The following GAS7 variants were observed in gnomAD, a reference collection of about 807,000 sequenced individuals.
GAS7 encodes growth arrest-specific protein 7.
In GAS7, 28 loss-of-function variants were observed where a neutral mutation model predicts 71.1. That is an observed-to-expected ratio of 0.39 (90% CI 0.29 to 0.54). The LOEUF is 0.54. Ranked by LOEUF, GAS7 falls within the 20% of genes least tolerant of loss-of-function variation. GAS7 has a pLI of 0.62. For synonymous variants in GAS7, 258 were observed against 245.8 expected (o/e 1.05, Z -0.46); for missense variants, 436 against 627.8 (o/e 0.69, Z 3.27).
chr17:10,029,321 T>C (rs867770280), intron 1 of GAS7, among the ~76,000 whole-genome samples: 4 of 152,158 alleles, frequency 2.6e-5, no homozygotes, highest in Non-Finnish European at 5.9e-5. Flanking sequence ...CAAGTACTCA[T>C]GTCCTCCTTA....
intron 1 of GAS7, among the ~76,000 whole-genome samples, chr17:10,041,174 A>AGAAGAAGAAG (rs1482702186): frequency 6.6e-6 from 1 of 151,044 alleles, no homozygotes; most frequent in African/African-American, 2.5e-5. Flanking sequence ...AAAAAAAAAA[A>AGAAGAAGAAG]AAGAAGAAGG....
intron 3 of GAS7, among the ~76,000 whole-genome samples, chr17:9,980,805 A>T (rs558827896): frequency 3.3e-5 from 5 of 152,326 alleles, no homozygotes; most frequent in African/African-American, 9.6e-5. Context: ...TGCGGCTGAG[A>T]TCTAAAGTGA....
intron 1 of GAS7, among the ~76,000 whole-genome samples, chr17:10,099,876 T>C (rs2073681936): frequency 6.6e-6 from 1 of 152,190 alleles, no homozygotes; most frequent in Admixed American, 6.5e-5. Flanking sequence ...GACTTAAGAC[T>C]GTGTCAATCT....
intron 1 of GAS7, among the ~76,000 whole-genome samples, chr17:10,172,415 G>A (rs918450135): frequency 4.6e-5 from 7 of 152,124 alleles, no homozygotes; most frequent in African/African-American, 1.7e-4. Flanking sequence ...ACTCTGTATT[G>A]CTCTCAACTT....
chr17:9,968,695 T>C (rs1488567101), intron 4 of GAS7, among the ~76,000 whole-genome samples: 1 of 152,232 alleles, frequency 6.6e-6, no homozygotes, highest in Non-Finnish European at 1.5e-5. Context: ...GACAGAACCA[T>C]AATCAATCCT....
chr17:9,979,921 CCTG>C (rs1166747458), intron 3 of GAS7, among the ~76,000 whole-genome samples: 1 of 151,820 alleles, frequency 6.6e-6, no homozygotes, highest in Non-Finnish European at 1.5e-5. Flanking sequence ...CTCAGAACTG[CCTG>C]CTGTCACACG....
intron 9 of GAS7, among the ~76,000 whole-genome samples, chr17:9,927,789 A>G (rs2152075804): frequency 6.6e-6 from 1 of 152,336 alleles, no homozygotes; most frequent in Non-Finnish European, 1.5e-5. Flanking sequence ...GGTGAGCTAG[A>G]CAGGGTCCAA....
At chr17:10,095,596 C>T (rs374700156) in intron 1 of GAS7, among the ~76,000 whole-genome samples, 323 of 152,016 alleles carry the variant, frequency 2.1e-3, no homozygotes, top group Admixed American at 5.4e-3. Flanking sequence ...CTGAGGCGGG[C>T]GGATCACAAG....
At chr17:10,020,793 G>C (rs2072236644) in intron 1 of GAS7, among the ~76,000 whole-genome samples, 1 of 152,060 alleles carries the variant, frequency 6.6e-6, no homozygotes, top group Admixed American at 6.5e-5. Context: ...TGCGCCTGTA[G>C]TCCTAGCTAC....
intron 1 of GAS7, among the ~76,000 whole-genome samples, chr17:10,096,529 C>A (rs2073642646): frequency 6.6e-6 from 1 of 152,238 alleles, no homozygotes; most frequent in South Asian, 2.1e-4. Flanking sequence ...TGGCCTTCTT[C>A]CAAGGATGGC....
chr17:10,140,879 G>A (rs1262667201), intron 1 of GAS7, among the ~76,000 whole-genome samples: 1 of 152,218 alleles, frequency 6.6e-6, no homozygotes, highest in Admixed American at 6.5e-5. Context: ...GCACAACACT[G>A]CAGATACAAA....
intron 1 of GAS7, chr17:10,039,834 C>T (rs555605261): frequency 2.3e-6 from 1 of 442,530 alleles, no homozygotes; most frequent in East Asian, 7.1e-5. Flanking sequence ...AGGGGTGTGG[C>T]ACCCTCTGGG....
In GAS7 at chr17:9,916,071, G is replaced by A. The variant is rs147028508; in HGVS notation, c.*1157C>T. 7.7e-4 allele frequency: 180 copies of A among 233,208 alleles called. No individual in the cohort carries two copies. The highest frequency in any genetic ancestry group is 3.5e-3 in the African/African-American group (158 of 45,454). The allele number at this position is 233,208 out of a possible 1,614,324, so 14.4% of individuals were successfully genotyped here. On this transcript the variant is annotated 3_prime_UTR_variant, in exon 14 of 14. Transcript: ENST00000432992. Reference sequence around the variant, plus strand: ...GGTGGCGGGACACTGCCTGAAAGGCGACAACCTAGTGTGGCCACAAGAGAG... The same window carrying A: ...GGTGGCGGGACACTGCCTGAAAGGCAACAACCTAGTGTGGCCACAAGAGAG...
intron 2 of GAS7, among the ~76,000 whole-genome samples, chr17:10,016,150 C>T (rs1168325908): frequency 4.6e-5 from 7 of 151,980 alleles, no homozygotes; most frequent in Admixed American, 4.6e-4. Context: ...CTTTGGGAGG[C>T]CGAGGCAGGC....
At chr17:10,001,922 G>A (rs2152166340) in intron 2 of GAS7, among the ~76,000 whole-genome samples, 1 of 152,178 alleles carries the variant, frequency 6.6e-6, no homozygotes, top group Middle Eastern at 3.4e-3. Context: ...GCAAGGCAAT[G>A]GGAAAACAAG....
chr17:10,107,034 G>A (rs532952236), intron 1 of GAS7, among the ~76,000 whole-genome samples: 5 of 152,134 alleles, frequency 3.3e-5, no homozygotes, highest in Admixed American at 2.0e-4. Flanking sequence ...GGAAACAGGC[G>A]CCAAGGAAGG....
In GAS7 at chr17:9,970,853, C is replaced by T. The variant is rs528078646; in HGVS notation, c.386-1091G>A. 2.9e-4 allele frequency among the ~76,000 whole-genome samples: 44 copies of T among 152,286 alleles called. 1 individual carries two copies. The South Asian group carries it at 7.2e-3, about 25-fold the overall frequency. ...GGTTTCAAGCCCCAACGCCGCTACACGCACGCTCCTGACATCACGAATTCA... is the reference window on the plus strand; with the variant it reads ...GGTTTCAAGCCCCAACGCCGCTACATGCACGCTCCTGACATCACGAATTCA... On this transcript the variant is annotated intron_variant, in intron 3 of 13. Transcript: ENST00000432992.
chr17:9,928,603 C>T (rs2152076750), intron 9 of GAS7, among the ~76,000 whole-genome samples: 1 of 152,330 alleles, frequency 6.6e-6, no homozygotes, highest in South Asian at 2.1e-4. Flanking sequence ...GGGAGCACAG[C>T]TCAACTTCCC....
intron 5 of GAS7, among the ~76,000 whole-genome samples, chr17:9,951,407 C>T (rs1485351166): frequency 6.6e-6 from 1 of 152,210 alleles, no homozygotes; most frequent in Non-Finnish European, 1.5e-5. Flanking sequence ...CGTCTTTCCT[C>T]ACTCAAACTG....
Sources: allele counts gnomAD v4.1 joint callset (sites outside exome capture counted in the v4.1 genomes callset), GRCh38; gene constraint gnomAD v4.1.1; transcripts MANE v1.5; gene names NCBI Gene and HGNC (gene_info 2026-07-23, HGNC 2026-07-21).